Variants in NEMP2 observed in about 807,000 individuals in gnomAD.
NEMP2 encodes UPF0571 transmembrane protein.
In NEMP2, 53 loss-of-function variants were observed where a neutral mutation model predicts 54.2. The ratio of observed to expected loss-of-function variants is 0.98; its 90% CI spans 0.78 to 1.23. The LOEUF is 1.23. NEMP2 is among the 50% of genes most tolerant of loss of function. NEMP2 has a pLI of 0.00. For synonymous variants in NEMP2, 197 were observed against 190.3 expected, an observed-to-expected ratio of 1.04 and a Z score of -0.29; for missense variants, 455 against 511.3, an observed-to-expected ratio of 0.89 and a Z score of 1.06.
upstream of NEMP2, among the ~76,000 whole-genome samples, chr2:190,535,635 C>T (rs1367869707): frequency 6.6e-6 from 1 of 152,202 alleles, no homozygotes; most frequent in Non-Finnish European, 1.5e-5. Context: ...AGATAAGCCT[C>T]ATTTTTCCTA....
the NEMP2 span, among the ~76,000 whole-genome samples, chr2:190,561,426 C>T: frequency 1.3e-5 from 2 of 152,312 alleles, no homozygotes; most frequent in East Asian, 1.9e-4. This position sits in a 1 kb window ranked among gnomAD's most constrained non-coding sequence, Gnocchi z 5.4. Flanking sequence ...AGGATGTCAG[C>T]AGGTTTTTCT....
chr2:190,499,959 A>T, downstream of NEMP2: 1 of 1,607,024 alleles, frequency 6.2e-7, no homozygotes, highest in Non-Finnish European at 8.5e-7. This position sits in a 1 kb window ranked among gnomAD's most constrained non-coding sequence, Gnocchi z 6.0. Flanking sequence ...ATATATAAAA[A>T]GTTGGATTTA....
chr2:190,625,328 T>C, the NEMP2 span: 1 of 152,234 alleles, frequency 6.6e-6, no homozygotes, highest in Non-Finnish European at 1.5e-5. Context: ...CCACATAATG[T>C]ATGATTCCAT....
At chr2:190,568,540 C>T in the NEMP2 span, among the ~76,000 whole-genome samples, 6 of 151,948 alleles carry the variant, frequency 3.9e-5, no homozygotes, top group Non-Finnish European at 5.9e-5. The surrounding 1 kb of genome is among the most constrained non-coding windows in gnomAD (Gnocchi z 4.7). Flanking sequence ...GAATAATTAT[C>T]GGCCGGGCAC....
the NEMP2 span, chr2:190,437,227 G>T: frequency 3.1e-6 from 5 of 1,614,216 alleles, no homozygotes; most frequent in Admixed American, 8.3e-5. This position sits in a 1 kb window ranked among gnomAD's most constrained non-coding sequence, Gnocchi z 5.9. Context: ...CAAAAACGAT[G>T]ATTCTAAAGG....
At chr2:190,534,430 G>A (rs13412835) in intron 1 of NEMP2, 129 bp downstream of exon 1, 231,368 of 1,225,210 alleles carry the variant, frequency 0.19, 22,352 homozygotes, top group Middle Eastern at 0.24. Context: ...ACCCCAAAGC[G>A]AGAAAAGGGA....
rs1353353024 is a variant in NEMP2, at chr2:190,530,110, A to C, written c.97+4449T>G. On this transcript the variant is annotated intron_variant, in intron 1 of 8. Coordinates refer to ENST00000409150, the MANE Select transcript of NEMP2 (RefSeq NM_001142645.2). This position sits in a 1 kb window ranked among gnomAD's most constrained non-coding sequence, Gnocchi z 4.6. ...GTGTATTCTGGGTAAGGGATCTGCC[A>C]GTTAGAGGAAAAGAACTTGTTCTGC... 6.6e-6 allele frequency among the ~76,000 whole-genome samples: 1 copy of C among 152,228 alleles called. No homozygotes were observed. The highest frequency in any genetic ancestry group is 1.5e-5 in the Non-Finnish European group (1 of 68,024).
At chr2:190,630,611 C>CT in the NEMP2 span, among the ~76,000 whole-genome samples, 104 of 151,344 alleles carry the variant, frequency 6.9e-4, 1 homozygote, top group Middle Eastern at 6.9e-3. The surrounding 1 kb of genome is among the most constrained non-coding windows in gnomAD (Gnocchi z 5.5). Context: ...ATCCTTAAAT[C>CT]TTTTTTTTTC....
chr2:190,423,786 C>T, the NEMP2 span, among the ~76,000 whole-genome samples: 1 of 152,160 alleles, frequency 6.6e-6, no homozygotes, highest in Non-Finnish European at 1.5e-5. The surrounding 1 kb of genome is among the most constrained non-coding windows in gnomAD (Gnocchi z 4.3). Flanking sequence ...AGTTGTGCCT[C>T]CTTATCAGAA....
downstream of NEMP2, among the ~76,000 whole-genome samples, chr2:190,503,590 G>T (rs1690112701): frequency 6.6e-6 from 1 of 152,152 alleles, no homozygotes; most frequent in Non-Finnish European, 1.5e-5. This position sits in a 1 kb window ranked among gnomAD's most constrained non-coding sequence, Gnocchi z 6.3. Context: ...GAAAATGAAG[G>T]TATGCTTTGA....
the NEMP2 span, among the ~76,000 whole-genome samples, chr2:190,569,066 T>G: frequency 6.6e-6 from 1 of 152,098 alleles, no homozygotes; most frequent in South Asian, 2.1e-4. Flanking sequence ...CTGAAAGACT[T>G]GAGCAAGTTT....
At chr2:190,600,227 T>G in the NEMP2 span, among the ~76,000 whole-genome samples, 1 of 152,150 alleles carries the variant, frequency 6.6e-6, no homozygotes, top group East Asian at 1.9e-4. The surrounding 1 kb of genome is among the most constrained non-coding windows in gnomAD (Gnocchi z 4.9). Context: ...CTCTCATTGC[T>G]TGATTATTGG....
At chr2:190,569,200 G>A in the NEMP2 span, among the ~76,000 whole-genome samples, 1 of 152,140 alleles carries the variant, frequency 6.6e-6, no homozygotes, top group African/African-American at 2.4e-5. Flanking sequence ...AACTTAGATG[G>A]AAAATATAAA....
In NEMP2 at chr2:190,529,579, T is replaced by C. The variant is rs1052917238; in HGVS notation, c.98-4201A>G. Among the ~76,000 whole-genome samples the C allele has an allele frequency of 6.6e-6, 1 of 152,240 alleles. No homozygotes were observed. Among genetic ancestry groups the C allele is most frequent in the Non-Finnish European group, 1.5e-5 (1 of 68,046 alleles). ...TTATTCTTTCTTCATATTACATATATATTTATTAGCTTATACTCTGTCTCT... is the reference window on the plus strand; with the variant it reads ...TTATTCTTTCTTCATATTACATATACATTTATTAGCTTATACTCTGTCTCT... On this transcript the variant is annotated intron_variant, in intron 1 of 8. Transcript: ENST00000409150. The surrounding 1 kb of genome is among the most constrained non-coding windows in gnomAD (Gnocchi z 4.7).
chr2:190,445,178 G>A, the NEMP2 span, among the ~76,000 whole-genome samples: 1 of 152,078 alleles, frequency 6.6e-6, no homozygotes, highest in African/African-American at 2.4e-5. Context: ...TAAATCTGGG[G>A]ATACTTATCT....
the NEMP2 span, among the ~76,000 whole-genome samples, chr2:190,451,136 G>C: frequency 6.6e-6 from 1 of 152,116 alleles, no homozygotes; most frequent in Non-Finnish European, 1.5e-5. The surrounding 1 kb of genome is among the most constrained non-coding windows in gnomAD (Gnocchi z 5.0). Context: ...TTGCCAATTT[G>C]CCTATAAAAA....
At chr2:190,575,008 C>A in the NEMP2 span, among the ~76,000 whole-genome samples, 4 of 152,146 alleles carry the variant, frequency 2.6e-5, no homozygotes, top group South Asian at 8.3e-4. Context: ...GTGCCCACCA[C>A]CATGCCCGGC....
At chr2:190,473,778 C>T in the NEMP2 span, among the ~76,000 whole-genome samples, 2 of 152,160 alleles carry the variant, frequency 1.3e-5, no homozygotes, top group Non-Finnish European at 2.9e-5. Flanking sequence ...TTCTTTTCAG[C>T]ACCACACCTA....
upstream of NEMP2, chr2:190,535,013 G>A (rs930483199): frequency 1.0e-5 from 2 of 196,812 alleles, no homozygotes; most frequent in Non-Finnish European, 2.1e-5. Flanking sequence ...CGCTGCCCTC[G>A]GCGCAGGGGT....
Sources: gnomAD v4.1 joint callset for allele counts (sites outside exome capture counted in the v4.1 genomes callset) on GRCh38, gnomAD v4.1.1 for gene constraint, Gnocchi (gnomAD v3.1) non-coding constraint, MANE v1.5 for transcripts, NCBI Gene and HGNC (gene_info 2026-07-23, HGNC 2026-07-21) for gene names.